VMAC: variants seen among roughly 807,000 people sequenced by gnomAD.
VMAC encodes the protein vimentin-type intermediate filament-associated coiled-coil protein.
VMAC carries 8 observed loss-of-function variants against 4.8 expected under a neutral mutation model. That is an observed-to-expected ratio of 1.68 (90% CI 0.99 to 3.03). The LOEUF is 3.03. Among genes scored for constraint, VMAC ranks in the 30% most tolerant of loss-of-function variants. The pLI is 0.00. For missense variants in VMAC, 248 were observed against 245.1 expected (o/e 1.01, Z -0.08); for synonymous variants, 96 against 113.7 (o/e 0.84, Z 0.99).
chr19:5,905,162 A>G (rs989863753), intron 1 of VMAC, 81 bp downstream of exon 1: 2 of 1,306,946 alleles, frequency 1.5e-6, no homozygotes, highest in South Asian at 2.0e-5. Flanking sequence ...GAGGAAGGGC[A>G]GGGGGAACCG....
chr19:5,910,116 A>G lies in VMAC; in HGVS notation c.*974A>G. On this transcript the variant is annotated 3_prime_UTR_variant, in exon 2 of 2. Coordinates refer to ENST00000339485, the MANE Select transcript of VMAC (RefSeq NM_001017921.4). ...CCCGCCTGCCTGCCTGGCAACAGTG[A>G]CCCCTCAGTGCAGTAACAATGGGCC... is the stretch of plus-strand genomic sequence containing the variant. 6.6e-6 allele frequency: 1 copy of G among 152,136 alleles called. No homozygotes were observed. The highest frequency in any genetic ancestry group is 1.5e-5 in the Non-Finnish European group (1 of 68,044). 9.4% of individuals were successfully genotyped at this position (152,136 alleles called of 1,614,324 possible).
chr19:5,908,815 T>A lies in VMAC; in HGVS notation c.192-9T>A. ...GTTCTGTAATCACCTCCTCTTGCCT[T>A]CCTGCCAGTGAGATTGCCACACTCC... On this transcript the variant is annotated splice_polypyrimidine_tract_variant and intron_variant, in intron 1 of 1. Coordinates refer to ENST00000339485, the MANE Select transcript of VMAC (RefSeq NM_001017921.4). This position sits in a 1 kb window ranked among gnomAD's most constrained non-coding sequence, Gnocchi z 4.5. 1 of 1,613,298 alleles carries A rather than the reference T, an allele frequency of 6.2e-7. No individual in the cohort carries two copies. Among genetic ancestry groups the A allele is most frequent in the Non-Finnish European group, 8.5e-7 (1 of 1,179,778 alleles).
intron 1 of VMAC, among the ~76,000 whole-genome samples, chr19:5,905,848 C>T (rs2057677077): frequency 6.6e-6 from 1 of 152,144 alleles, no homozygotes; most frequent in Admixed American, 6.6e-5. Context: ...GCGTCCACCA[C>T]CACGCATGGC....
intron 1 of VMAC, among the ~76,000 whole-genome samples, chr19:5,907,049 C>A (rs755067486): frequency 2.6e-5 from 4 of 152,050 alleles, no homozygotes; most frequent in Non-Finnish European, 4.4e-5. Flanking sequence ...AAACAAAATG[C>A]CATAAATTAA....
intron 1 of VMAC, 70 bp downstream of exon 1, chr19:5,905,151 C>A: frequency 7.6e-7 from 1 of 1,319,238 alleles, no homozygotes; most frequent in Non-Finnish European, 9.7e-7. Flanking sequence ...GGCTGGAAAG[C>A]GAGGAAGGGC....
intron 1 of VMAC, among the ~76,000 whole-genome samples, chr19:5,907,638 T>TAAAAAAAAAAAAAAAAAAAAA: frequency 3.2e-5 from 1 of 31,140 alleles, no homozygotes; most frequent in African/African-American, 1.5e-4. Context: ...AAAAAAAAAT[T>TAAAAAAAAAAAAAAAAAAAAA]AGCTGGGCAT....
chr19:5,907,070 C>T (rs900495061), intron 1 of VMAC, among the ~76,000 whole-genome samples: 3 of 152,142 alleles, frequency 2.0e-5, no homozygotes, highest in Admixed American at 1.3e-4. Context: ...GTGGCTTAAA[C>T]AAGAGGTTTG....
intron 1 of VMAC, 45 bp downstream of exon 1, chr19:5,905,126 C>A (rs1320774186): frequency 7.5e-7 from 1 of 1,333,190 alleles, no homozygotes. Flanking sequence ...AGGCGGTAGG[C>A]GGAGGCAGAG....
In VMAC at chr19:5,906,581, C is replaced by T. The variant is rs1033699927; in HGVS notation, c.191+1500C>T. Among the ~76,000 whole-genome samples, 4 of 152,218 alleles carry T rather than the reference C, an allele frequency of 2.6e-5. No individual in the cohort carries two copies. In the South Asian group the frequency reaches 6.2e-4, roughly 24 times the overall value. On this transcript the variant is annotated intron_variant, in intron 1 of 1. Coordinates refer to ENST00000339485, the MANE Select transcript of VMAC (RefSeq NM_001017921.4). The stretch of plus-strand genomic sequence containing the variant: ...GGGCAGTTACATCATTGGTGGCCAG[C>T]GGCCATGATGGAGGGGCATATGGGG...
intron 1 of VMAC, 86 bp downstream of exon 1, chr19:5,905,167 G>A (rs1321929247): frequency 4.2e-5 from 54 of 1,290,958 alleles, no homozygotes; most frequent in Non-Finnish European, 4.9e-5. Context: ...AGGGCAGGGG[G>A]AACCGTGTGC....
Position 5,909,213 on chromosome 19 carries a change from C to T in VMAC, c.*71C>T, listed in dbSNP as rs2057689859. On this transcript the variant is annotated 3_prime_UTR_variant, in exon 2 of 2. Coordinates refer to ENST00000339485, the MANE Select transcript of VMAC (RefSeq NM_001017921.4). Reference sequence around the variant, plus strand: ...CAGTGTCCTTGGGAGTCACCAGCACCCTGCAGGGGGACCCTACGGCAGAGC... The same window carrying T: ...CAGTGTCCTTGGGAGTCACCAGCACTCTGCAGGGGGACCCTACGGCAGAGC... The T allele has an allele frequency of 6.8e-7, 1 of 1,471,784 alleles. No individual in the cohort carries two copies. The highest frequency in any genetic ancestry group is 9.0e-7 in the Non-Finnish European group (1 of 1,108,372). The allele number at this position is 1,471,784 out of a possible 1,614,324, so 91.2% of individuals were successfully genotyped here.
rs148613326 is a variant in VMAC at position 5,909,278 on chromosome 19, A to G, written c.*136A>G. The G allele has an allele frequency of 2.8e-4, 271 of 971,522 alleles. 3 individuals are homozygous for G. In the East Asian group the frequency reaches 7.3e-3, roughly 26 times the overall value. The allele number at this position is 971,522 out of a possible 1,614,324, so 60.2% of individuals were successfully genotyped here. On this transcript the variant is annotated 3_prime_UTR_variant, in exon 2 of 2. Transcript: ENST00000339485. ...AGCATCAGAACAGGCTGAACAGTCA[A>G]AAAGTTTTCAAATAGGCCCACAGGC...
rs1414665770 is a variant in VMAC, at chr19:5,908,467, C to CT, written c.192-356dup. The stretch of plus-strand genomic sequence containing the variant: ...CCATCTCTACTGAAGATACAAAAAA[C>CT]TAGCCGGGCATAGTGGTGGGCACCT... On this transcript the variant is annotated intron_variant, in intron 1 of 1. Transcript: ENST00000339485. The surrounding 1 kb of genome is among the most constrained non-coding windows in gnomAD (Gnocchi z 4.5). Among the ~76,000 whole-genome samples the CT allele has an allele frequency of 6.6e-6, 1 of 151,894 alleles. No individual in the cohort carries two copies. The highest frequency in any genetic ancestry group is 1.5e-5 in the Non-Finnish European group (1 of 67,964).
chr19:5,904,906 G>A lies in VMAC; in HGVS notation c.16G>A (p.Ala6Thr). Reference sequence around the variant, plus strand: ...AGCCTGGGCCATGTCGGCGCCGCCGGCCCTGCAGATCCGGGAGGCAAACGC... The same window carrying A: ...AGCCTGGGCCATGTCGGCGCCGCCGACCCTGCAGATCCGGGAGGCAAACGC... MSAPP[A>T]LQIREANAHL... is the part of the protein sequence containing the mutation. The change falls in exon 1 of 2, where the codon GCC becomes ACC. Residue 6 changes from alanine to threonine, a missense_variant. Ala to Thr is a moderately conservative substitution (Grantham distance 58, BLOSUM62 0). Coordinates refer to ENST00000339485, the MANE Select transcript of VMAC (RefSeq NM_001017921.4). The A allele has an allele frequency of 2.0e-6, 3 of 1,485,106 alleles. No homozygotes were observed. The highest frequency in any genetic ancestry group is 2.7e-6 in the Non-Finnish European group (3 of 1,127,956). 92.0% of individuals were successfully genotyped at this position (1,485,106 alleles called of 1,614,324 possible).
Position 5,910,675 on chromosome 19 carries a change from A to AAACAACAACAACAACAACAACAAC in VMAC, c.*1548_*1571dup, listed in dbSNP as rs57251248. 6.8e-6 allele frequency: 1 copy of AAACAACAACAACAACAACAACAAC among 147,098 alleles called. No homozygotes were observed. The highest frequency in any genetic ancestry group is 1.5e-5 in the Non-Finnish European group (1 of 66,758). The allele number at this position is 147,098 out of a possible 1,614,324, so 9.1% of individuals were successfully genotyped here. A position where few individuals can be genotyped will look rare whatever the true frequency, so the allele number is the denominator to read the frequency against. On this transcript the variant is annotated 3_prime_UTR_variant, in exon 2 of 2. Coordinates refer to ENST00000339485, the MANE Select transcript of VMAC (RefSeq NM_001017921.4). Reference sequence around the variant, plus strand: ...ACAGAGTGAGACTCAGTCTCAAAGAAAACAACAACAACAACAACAACAACA... The same window carrying AAACAACAACAACAACAACAACAAC: ...ACAGAGTGAGACTCAGTCTCAAAGAAAACAACAACAACAACAACAACAACAACAACAACAACAACAACAACAACA...
intron 1 of VMAC, among the ~76,000 whole-genome samples, chr19:5,907,716 G>A (rs963668009): frequency 2.7e-5 from 4 of 150,310 alleles, no homozygotes; most frequent in Admixed American, 1.3e-4. Context: ...AACTCGGGAG[G>A]CGGAGGTTGC....
rs2057686863 is a variant in VMAC at position 5,908,559 on chromosome 19, T to C, written c.192-265T>C. Among the ~76,000 whole-genome samples the C allele has an allele frequency of 6.6e-6, 1 of 152,024 alleles. No homozygotes were observed. Among genetic ancestry groups the C allele is most frequent in the African/African-American group, 2.4e-5 (1 of 41,366 alleles). The stretch of plus-strand genomic sequence containing the variant: ...TGAACCCTGGAGCCGGAAGTTGCAG[T>C]GAGCTGAGATTGCACCATTGCACTC... On this transcript the variant is annotated intron_variant, in intron 1 of 1. Transcript: ENST00000339485. The surrounding 1 kb of genome is among the most constrained non-coding windows in gnomAD (Gnocchi z 4.5).
intron 1 of VMAC, among the ~76,000 whole-genome samples, chr19:5,905,396 A>C (rs1361965609): frequency 6.6e-6 from 1 of 152,172 alleles, no homozygotes; most frequent in East Asian, 1.9e-4. Flanking sequence ...GGAGGGGATC[A>C]TATCAGCATT....
chr19:5,905,901 C>T (rs1178698389), intron 1 of VMAC, among the ~76,000 whole-genome samples: 1 of 152,092 alleles, frequency 6.6e-6, no homozygotes, highest in Non-Finnish European at 1.5e-5. Context: ...TGCCCTGTTG[C>T]CCAGTTTGGT....
Sources: allele counts gnomAD v4.1 joint callset (sites outside exome capture counted in the v4.1 genomes callset), GRCh38; gene constraint gnomAD v4.1.1; non-coding constraint Gnocchi (gnomAD v3.1); transcripts MANE v1.5; gene names NCBI Gene and HGNC (gene_info 2026-07-23, HGNC 2026-07-21).